CDAN1: variants seen among roughly 807,000 people sequenced by gnomAD.
The protein encoded by CDAN1 is codanin-1.
In CDAN1, 107 loss-of-function variants were observed where a neutral mutation model predicts 139.8. The observed-to-expected ratio is 0.77, with a 90% confidence interval of 0.65 to 0.90. The LOEUF (loss-of-function observed/expected upper bound fraction) is 0.90. CDAN1 is among the 40% of genes least tolerant of loss of function. The pLI is 0.00. For missense variants in CDAN1, 1,667 were observed against 1,575.7 expected (o/e 1.06, Z -0.98); for synonymous variants, 776 against 660.6 (o/e 1.17, Z -2.68).
intron 11 of CDAN1, 74 bp downstream of exon 11, chr15:42,731,546 A>C: frequency 6.6e-7 from 1 of 1,523,328 alleles, no homozygotes; most frequent in South Asian, 1.1e-5. Context: ...AGACTGGAGA[A>C]CTATTTACCC....
At chr15:42,729,922 A>ACGGGCCCCCCCCCCCCCCCC in intron 15 of CDAN1, 37 bp from the exon 16 acceptor site, 3 of 1,513,184 alleles carry the variant, frequency 2.0e-6, no homozygotes, top group East Asian at 2.3e-5. Context: ...AACTTCAGAG[A>ACGGGCCCCCCCCCCCCCCCC]CCCCCACCCA....
chr15:42,731,275 T>G lies in CDAN1; in HGVS notation c.1796A>C (p.Asn599Thr). 6.2e-7 allele frequency: 1 copy of G among 1,614,164 alleles called. No homozygotes were observed. The highest frequency in any genetic ancestry group is 8.5e-7 in the Non-Finnish European group (1 of 1,180,026). ...CTCATGCTGGGGCAGGGCAAGACCA[T>G]TGAGCTCCTGGATCTTCAAGCTCAG... The part of the protein sequence containing the change: ...DSLSLKIQEL[N>T]GLALPQHEPN... Residue 599 changes from asparagine (N) to threonine (T), a missense_variant, in exon 12 of 28, where the codon AAT (asparagine) becomes ACT (threonine). Asn to Thr is a moderately conservative substitution (Grantham distance 65). Coordinates refer to ENST00000356231, the MANE Select transcript of CDAN1 (RefSeq NM_138477.4).
Position 42,724,144 on chromosome 15 carries a change from C to CAA in CDAN1, c.*345_*346dup. 1 of 337,500 alleles carries CAA rather than the reference C, an allele frequency of 3.0e-6. No individual in the cohort carries two copies. The highest frequency in any genetic ancestry group is 5.8e-6 in the Non-Finnish European group (1 of 173,378). The allele number at this position is 337,500 out of a possible 1,614,324, so 20.9% of individuals were successfully genotyped here. A position where few individuals can be genotyped will look rare whatever the true frequency, so the allele number is the denominator to read the frequency against. ...GCCTCTGTCATGAATTCCAAGACTA[C>CAA]AAAGTTTTAAGAGATGCTGGGATAG... On this transcript the variant is annotated 3_prime_UTR_variant, in exon 28 of 28. Coordinates refer to ENST00000356231, the MANE Select transcript of CDAN1 (RefSeq NM_138477.4).
chr15:42,730,347 C>T, intron 14 of CDAN1, 132 bp from the exon 15 acceptor site: 1 of 958,996 alleles, frequency 1.0e-6, no homozygotes, highest in Non-Finnish European at 1.7e-6. Flanking sequence ...AGCAGGATCC[C>T]CCCAGCCCCG....
In CDAN1 at chr15:42,729,326, C is replaced by T; in HGVS notation, c.2444G>A (p.Gly815Asp). Residue 815 changes from glycine (G) to aspartate (D), a missense_variant, in exon 18 of 28, where the codon GGC becomes GAC. By Grantham distance (94) the Gly-to-Asp change is moderately conservative (BLOSUM62 -1). Around this residue, in one of 3 missense-constraint regions of CDAN1, gnomAD observed 936 missense variants for 844.1 expected, o/e 1.11. Transcript: ENST00000356231. ...GAAGCCCCCACTCCGTCCACTACTGCCTGACACCCACGAAGCGAGCAGTTT... is the reference window on the plus strand; with the variant it reads ...GAAGCCCCCACTCCGTCCACTACTGTCTGACACCCACGAAGCGAGCAGTTT... ...LRKLLASWVS[G>D]SSGRSGGFMR... The T allele has an allele frequency of 1.9e-6, 3 of 1,614,190 alleles. No individual in the cohort carries two copies. In the South Asian group the frequency reaches 3.3e-5, roughly 18 times the overall value.
rs948707524 is a variant in CDAN1, at chr15:42,727,695, C to G, written c.3022G>C (p.Gly1008Arg). Reference protein sequence around the residue: ...RAQGPEPAARGERRGCSRACE... With the variant: ...RAQGPEPAARRERRGCSRACE... ...GCGCGGGAGCAGCCCCTCCGCTCCC[C>G]CCGGGCAGCAGGTTCAGGACCCTGG... Residue 1008 changes from glycine to arginine, a missense_variant, in exon 23 of 28, where the codon GGG becomes CGG. Coordinates refer to ENST00000356231, the MANE Select transcript of CDAN1 (RefSeq NM_138477.4). The G allele has an allele frequency of 6.3e-7, 1 of 1,585,664 alleles. No individual in the cohort carries two copies. The highest frequency in any genetic ancestry group is 8.6e-7 in the Non-Finnish European group (1 of 1,162,044).
chr15:42,734,115 C>T, intron 7 of CDAN1, 68 bp from the exon 8 acceptor site: 2 of 1,597,368 alleles, frequency 1.3e-6, no homozygotes, highest in Admixed American at 1.7e-5. Flanking sequence ...CTTATTCTTG[C>T]CCAGAGTTAG....
At chr15:42,728,934 C>G in intron 19 of CDAN1, 89 bp downstream of exon 19, 2 of 1,574,196 alleles carry the variant, frequency 1.3e-6, no homozygotes, top group Non-Finnish European at 1.7e-6. Context: ...CCACACCCAC[C>G]CTCTGGCTGA....
chr15:42,736,551 TG>T lies in CDAN1; in HGVS notation c.319del (p.Gln107ArgfsTer75). 6.7e-7 allele frequency: 1 copy of T among 1,484,148 alleles called. No individual in the cohort carries two copies. The allele number at this position is 1,484,148 out of a possible 1,614,324, so 91.9% of individuals were successfully genotyped here. A position where few individuals can be genotyped will look rare whatever the true frequency, so the allele number is the denominator to read the frequency against. ...CAGAGGGGCCTCGGCAGCGGTGCTC[TG>T]GGCCTCGGTCGGAGGGAAAAGCTGG... ...RSQLFPPTEA[Q>X]STAAEAPLAR... On this transcript the variant is annotated frameshift_variant, in exon 2 of 28. Transcript: ENST00000356231. LOFTEE classifies it high-confidence loss of function.
Position 42,729,271 on chromosome 15 carries a change from G to A in CDAN1, c.2499C>T (p.Thr833=), listed in dbSNP as rs1334489315. 2.5e-6 allele frequency: 4 copies of A among 1,613,606 alleles called. No individual in the cohort carries two copies. The Admixed American group carries it at 6.7e-5, about 27-fold the overall frequency. The change falls in exon 18 of 28, where the codon ACC becomes ACT. Residue 833 remains threonine (T), a synonymous_variant. Transcript: ENST00000356231. The part of the protein sequence containing the change: ...FMRKITPTTT[T]SLGAQPSQTS... ...TCTGGGAAGGCTGGGCTCCCAGGCTGGTGGTAGTGGTGGGGGTGATTTTCC... is the reference window on the plus strand; with the variant it reads ...TCTGGGAAGGCTGGGCTCCCAGGCTAGTGGTAGTGGTGGGGGTGATTTTCC...
In CDAN1 at chr15:42,730,227, A is replaced by G. The variant is rs1055175847; in HGVS notation, c.2175-12T>C. On this transcript the variant is annotated splice_polypyrimidine_tract_variant and intron_variant, in intron 14 of 27. Coordinates refer to ENST00000356231, the MANE Select transcript of CDAN1 (RefSeq NM_138477.4). ...ACAACACCAAGCTCCTGAAACATCA[A>G]TGGGCAGTACACGGGTTTGAGCAGA... 9.3e-6 allele frequency: 15 copies of G among 1,610,708 alleles called. No homozygotes were observed. In the Admixed American group the frequency reaches 1.0e-4, roughly 11 times the overall value.
At chr15:42,734,133 T>C in intron 7 of CDAN1, 86 bp from the exon 8 acceptor site, 1 of 1,602,068 alleles carries the variant, frequency 6.2e-7, no homozygotes, top group Non-Finnish European at 8.6e-7. Context: ...TAGCTCACAT[T>C]ACACTGAAGT....
At chr15:42,725,438 G>T (rs372071886) in intron 26 of CDAN1, 51 bp downstream of exon 26, 5 of 1,606,152 alleles carry the variant, frequency 3.1e-6, no homozygotes, top group Non-Finnish European at 4.3e-6. Context: ...GGCAAGGGTG[G>T]TGGATGTTCA....
rs368759902 is a variant in CDAN1, at chr15:42,724,571, C to T, written c.3604G>A (p.Glu1202Lys). 35 of 1,553,332 alleles carry T rather than the reference C, an allele frequency of 2.3e-5. No individual in the cohort carries two copies. The highest frequency in any genetic ancestry group is 1.7e-4 in the Middle Eastern group (1 of 5,992). The change falls in exon 28 of 28, where the codon GAG (glutamate) becomes AAG (lysine). Residue 1202 changes from glutamate to lysine, a missense_variant. By Grantham distance (56) the Glu-to-Lys change is moderately conservative. Transcript: ENST00000356231. Reference protein sequence around the residue: ...LATLSNLFLAEPHLPEPQLRA... With the variant: ...LATLSNLFLAKPHLPEPQLRA... ...AGCTGGGGTTCTGGCAGGTGGGGCT[C>T]GGCTAGAAACAGATTAGACAGTGTT...
In CDAN1 at chr15:42,728,789, C is replaced by T. The variant is rs1347070857; in HGVS notation, c.2667G>A (p.Leu889=). ...KHIKATLVAD[L]VRQAESLLQE... is the part of the protein sequence containing the mutation. The stretch of plus-strand genomic sequence containing the variant: ...GGAGAAGTGACTCTGCCTGGCGCAC[C>T]AGATCTGCCACCAGTGTAGCCCTGC... The change falls in exon 20 of 28, where the codon CTG becomes CTA. Residue 889 remains leucine (L), a synonymous_variant. Transcript: ENST00000356231. 4 of 1,614,080 alleles carry T rather than the reference C, an allele frequency of 2.5e-6. No homozygotes were observed. The highest frequency in any genetic ancestry group is 2.2e-5 in the East Asian group (1 of 44,880).
Position 42,729,805 on chromosome 15 carries a change from C to T in CDAN1, c.2343G>A (p.Glu781=). Reference sequence around the variant, plus strand: ...GAACCCCAGCACTCACCAAGCCATGCTCTGGGGCTACTGTGTCCACCTCAA... The same window carrying T: ...GAACCCCAGCACTCACCAAGCCATGTTCTGGGGCTACTGTGTCCACCTCAA... ...YAFEVDTVAP[E]HGLDNAPVVD... is the part of the protein sequence containing the mutation. Residue 781 remains glutamate (E), a synonymous_variant, in exon 16 of 28, where the codon GAG becomes GAA. Coordinates refer to ENST00000356231, the MANE Select transcript of CDAN1 (RefSeq NM_138477.4). 1 of 1,613,440 alleles carries T rather than the reference C, an allele frequency of 6.2e-7. No individual in the cohort carries two copies. The highest frequency in any genetic ancestry group is 8.5e-7 in the Non-Finnish European group (1 of 1,179,574).
At position 42,733,202 on chromosome 15, in the gene CDAN1, G is replaced by A. The variant is rs777128655; in HGVS notation, c.1368-16C>T. 3.1e-6 allele frequency: 5 copies of A among 1,609,002 alleles called. No individual in the cohort carries two copies. Among genetic ancestry groups the A allele is most frequent in the South Asian group, 2.2e-5 (2 of 90,978 alleles). Reference sequence around the variant, plus strand: ...AAACACATCCCTGACGCATAAGAACGCCTGATCAGCCGAGGCACTCACTCC... The same window carrying A: ...AAACACATCCCTGACGCATAAGAACACCTGATCAGCCGAGGCACTCACTCC... On this transcript the variant is annotated splice_polypyrimidine_tract_variant and intron_variant, in intron 8 of 27. Coordinates refer to ENST00000356231, the MANE Select transcript of CDAN1 (RefSeq NM_138477.4).
At chr15:42,733,279 T>A in intron 8 of CDAN1, 93 bp from the exon 9 acceptor site, 18 of 325,342 alleles carry the variant, frequency 5.5e-5, no homozygotes, top group Non-Finnish European at 8.3e-5. Flanking sequence ...ACCCACCACC[T>A]TTTTTTTTTT....
rs1448537016 is a variant in CDAN1 at position 42,726,407 on chromosome 15, G to A, written c.3107C>T (p.Ser1036Phe). 5.0e-6 allele frequency: 8 copies of A among 1,593,786 alleles called. No homozygotes were observed. The highest frequency in any genetic ancestry group is 1.7e-4 in the Middle Eastern group (1 of 6,050). The change falls in exon 24 of 28, where the codon TCC (serine) becomes TTC (phenylalanine). Residue 1036 changes from serine to phenylalanine, a missense_variant. Ser to Phe is a radical substitution (Grantham distance 155). Coordinates refer to ENST00000356231, the MANE Select transcript of CDAN1 (RefSeq NM_138477.4). ...HLISEIKDVLSLAVGPRDPDE... is the reference protein window; with the variant it reads ...HLISEIKDVLFLAVGPRDPDE... The stretch of plus-strand genomic sequence containing the variant: ...AGGGTCCCGTGGCCCCACGGCCAAG[G>A]AGAGCACGTCCTGTGAAGAGCAGGG...
Sources: allele counts gnomAD v4.1 joint callset, GRCh38; gene constraint gnomAD v4.1.1; regional missense constraint gnomAD v4.1.1; transcripts MANE v1.5; gene names NCBI Gene and HGNC (gene_info 2026-07-23, HGNC 2026-07-21).